The following DLGAP2 variants were observed in gnomAD, a reference collection of about 807,000 sequenced individuals.
DLGAP2 encodes the protein DLG associated protein 2, also known as disks large-associated protein 2.
Under a neutral mutation model 100.3 loss-of-function variants are expected in DLGAP2, and 26 were observed. The observed-to-expected ratio is 0.26, with a 90% confidence interval of 0.19 to 0.36. DLGAP2 has a LOEUF of 0.36. DLGAP2 is among the 10% of genes least tolerant of loss of function. DLGAP2 has a pLI of 1.00. For synonymous variants in DLGAP2, 886 were observed against 630.1 expected, an observed-to-expected ratio of 1.41 and a Z score of -6.08; for missense variants, 1,858 against 1,453.2, an observed-to-expected ratio of 1.28 and a Z score of -4.53.
intron 1 of DLGAP2, chr8:891,308 A>C (rs1798030363): frequency 6.6e-6 from 1 of 152,656 alleles, no homozygotes; most frequent in Non-Finnish European, 1.5e-5. Flanking sequence ...ATTTCAATAG[A>C]AAAGCAGAAG....
At chr8:1,655,096 T>C (rs1288728306) in intron 8 of DLGAP2, among the ~76,000 whole-genome samples, 1 of 152,248 alleles carries the variant, frequency 6.6e-6, no homozygotes, top group Non-Finnish European at 1.5e-5. Context: ...ACATTCAAAA[T>C]AGACATCTTT....
intron 2 of DLGAP2, among the ~76,000 whole-genome samples, chr8:946,516 G>A (rs1022470182): frequency 6.6e-6 from 1 of 152,136 alleles, no homozygotes; most frequent in African/African-American, 2.4e-5. Flanking sequence ...GCCCGCCTTG[G>A]CCTCCCAAAG....
chr8:1,009,688 G>A (rs1003169144), intron 2 of DLGAP2, among the ~76,000 whole-genome samples: 2 of 152,214 alleles, frequency 1.3e-5, no homozygotes, highest in African/African-American at 4.8e-5. Flanking sequence ...CTTGCATGAT[G>A]AAGAACCAGA....
chr8:804,458 C>G (rs1796228457), intron 1 of DLGAP2, among the ~76,000 whole-genome samples: 1 of 152,194 alleles, frequency 6.6e-6, no homozygotes, highest in Non-Finnish European at 1.5e-5. Flanking sequence ...TCGAGGAGAT[C>G]TTGGGTGACC....
At chr8:1,524,667 A>G (rs546965894) in intron 4 of DLGAP2, among the ~76,000 whole-genome samples, 57 of 152,206 alleles carry the variant, frequency 3.7e-4, no homozygotes, top group African/African-American at 1.3e-3. Flanking sequence ...AGCTCTTTCC[A>G]TATAATCACA....
At chr8:1,059,043 G>A (rs1339294847) in intron 2 of DLGAP2, among the ~76,000 whole-genome samples, 1 of 152,220 alleles carries the variant, frequency 6.6e-6, no homozygotes, top group Admixed American at 6.5e-5. Flanking sequence ...ATAAACGGAA[G>A]TCTCCAGGGC....
intron 13 of DLGAP2, among the ~76,000 whole-genome samples, chr8:1,696,875 A>C (rs2130885611): frequency 6.6e-6 from 1 of 152,346 alleles, no homozygotes; most frequent in East Asian, 1.9e-4. Context: ...GCTGTGAAGC[A>C]TTTAGAAACT....
At chr8:930,644 G>A (rs1039064430) in intron 2 of DLGAP2, among the ~76,000 whole-genome samples, 1 of 152,174 alleles carries the variant, frequency 6.6e-6, no homozygotes, top group African/African-American at 2.4e-5. Flanking sequence ...GTTGGGTGTG[G>A]GACACAGGCT....
intron 2 of DLGAP2, among the ~76,000 whole-genome samples, chr8:949,289 G>A (rs1481106013): frequency 1.3e-5 from 2 of 152,198 alleles, no homozygotes; most frequent in Non-Finnish European, 2.9e-5. Context: ...TCAGGCACAG[G>A]TGCGGACCAG....
intron 6 of DLGAP2, among the ~76,000 whole-genome samples, chr8:1,568,535 AC>A (rs1802512919): frequency 1.0e-5 from 1 of 100,152 alleles, no homozygotes; most frequent in African/African-American, 4.0e-5. Context: ...ACACAAATCC[AC>A]TCTGCCCGTG....
chr8:1,002,269 C>T (rs536282975), intron 2 of DLGAP2: 2 of 152,296 alleles, frequency 1.3e-5, no homozygotes, highest in East Asian at 3.9e-4. Flanking sequence ...TTTCAACGAA[C>T]ATCTCCAGGA....
At chr8:1,220,058 C>G (rs1798286894) in intron 2 of DLGAP2, among the ~76,000 whole-genome samples, 2 of 152,058 alleles carry the variant, frequency 1.3e-5, no homozygotes, top group Non-Finnish European at 2.9e-5. Context: ...TTCAAAAAAA[C>G]CAACTTATGG....
At chr8:1,098,610 C>T (rs560134540) in intron 2 of DLGAP2, among the ~76,000 whole-genome samples, 20 of 106,564 alleles carry the variant, frequency 1.9e-4, no homozygotes, top group Non-Finnish European at 3.8e-4. Context: ...CGGCCGCCCA[C>T]GGGCGCCGCC....
At chr8:1,317,496 C>T (rs1269352426) in intron 3 of DLGAP2, among the ~76,000 whole-genome samples, 5 of 141,578 alleles carry the variant, frequency 3.5e-5, no homozygotes, top group South Asian at 2.3e-4. Context: ...GGTCTACACT[C>T]GAGACACTTG....
At chr8:951,858 A>C (rs1035732537) in intron 2 of DLGAP2, among the ~76,000 whole-genome samples, 7 of 152,222 alleles carry the variant, frequency 4.6e-5, no homozygotes, top group Non-Finnish European at 1.0e-4. Context: ...TTTTCCCACA[A>C]CTGTTAAGAA....
intron 2 of DLGAP2, among the ~76,000 whole-genome samples, chr8:1,174,768 CATT>C (rs1202400714): frequency 2.0e-5 from 3 of 152,148 alleles, no homozygotes; most frequent in African/African-American, 4.8e-5. Context: ...TCACTATCAT[CATT>C]GTCATCATCA....
At chr8:836,510 G>A (rs116955669) in intron 1 of DLGAP2, among the ~76,000 whole-genome samples, 3,719 of 152,308 alleles carry the variant, frequency 0.024, 76 homozygotes, top group Non-Finnish European at 0.037. Context: ...GCAAGCGTTC[G>A]AGGCCTGGCA....
At chr8:771,595 T>G (rs1037482317) in intron 1 of DLGAP2, among the ~76,000 whole-genome samples, 4 of 152,214 alleles carry the variant, frequency 2.6e-5, no homozygotes, top group Admixed American at 6.5e-5. Flanking sequence ...TCTGTACTAG[T>G]CCAACCCAGG....
At chr8:1,372,580 G>A (rs999361849) in intron 3 of DLGAP2, among the ~76,000 whole-genome samples, 2 of 152,140 alleles carry the variant, frequency 1.3e-5, no homozygotes, top group African/African-American at 2.4e-5. Context: ...CCTGCTAGAT[G>A]CCAGGAGCTC....
Sources: gnomAD v4.1 joint callset for allele counts (sites outside exome capture counted in the v4.1 genomes callset) on GRCh38, gnomAD v4.1.1 for gene constraint, MANE v1.5 for transcripts, NCBI Gene and HGNC (gene_info 2026-07-23, HGNC 2026-07-21) for gene names.